The following GRIA3 variants were observed in gnomAD, a reference collection of about 807,000 sequenced individuals.
GRIA3 encodes glutamate ionotropic receptor AMPA type subunit 3.
Under a neutral mutation model 63.0 loss-of-function variants are expected in GRIA3, and 3 were observed. The ratio of observed to expected loss-of-function variants is 0.05; its 90% CI spans 0.02 to 0.12. The LOEUF (loss-of-function observed/expected upper bound fraction) is 0.12, where lower values mean the gene tolerates loss of function less well. Among genes scored for constraint, GRIA3 ranks in the 10% least tolerant of loss-of-function variants. GRIA3 has a pLI of 1.00. For missense variants in GRIA3, 347 were observed against 700.9 expected (o/e 0.50, Z 5.70); for synonymous variants, 274 against 257.9 (o/e 1.06, Z -0.60).
At chrX:123,373,989 G>A (rs767114793) in intron 5 of GRIA3, among the ~76,000 whole-genome samples, 3 of 111,908 alleles carry the variant, frequency 2.7e-5, no homozygotes, top group Admixed American at 1.9e-4. Flanking sequence ...ATGGTTTTAG[G>A]TCTACAATTT....
intron 3 of GRIA3, among the ~76,000 whole-genome samples, chrX:123,297,664 G>A (rs768788678): frequency 2.7e-5 from 3 of 111,577 alleles, no homozygotes; most frequent in East Asian, 2.8e-4. Flanking sequence ...AAAGTAAAAT[G>A]GTCTGAGTTT....
intron 5 of GRIA3, among the ~76,000 whole-genome samples, chrX:123,384,351 G>A (rs934739687): frequency 3.6e-5 from 4 of 112,549 alleles, no homozygotes; most frequent in Non-Finnish European, 7.5e-5. Flanking sequence ...TCGGCCAGGC[G>A]TGGTGGCTAA....
intron 2 of GRIA3, among the ~76,000 whole-genome samples, chrX:123,249,717 C>A (rs750187570): frequency 2.7e-5 from 3 of 111,915 alleles, no homozygotes; most frequent in Non-Finnish European, 3.8e-5. Context: ...GACAGTGGAT[C>A]TGCCTTTTGG....
chrX:123,201,690 C>A (rs1378437096), intron 2 of GRIA3, among the ~76,000 whole-genome samples: 6 of 96,476 alleles, frequency 6.2e-5, no homozygotes, highest in Non-Finnish European at 1.3e-4. Flanking sequence ...TGTTTGTTGA[C>A]CTTCATCAAA....
At chrX:123,389,251 T>A (rs1040988443) in intron 5 of GRIA3, among the ~76,000 whole-genome samples, 2 of 112,073 alleles carry the variant, frequency 1.8e-5, no homozygotes, top group African/African-American at 6.5e-5. Context: ...TCAAGTGAAG[T>A]TTAAATTCAG....
rs56808544 is a variant in GRIA3, at chrX:123,326,369, G to GA, written c.696+173dup. On this transcript the variant is annotated intron_variant, in intron 4 of 15. Transcript: ENST00000620443. ...CCTTTTTTCCTCCCCAGTGGCTGCA[G>GA]AAAAAAAAAAAAAAAAAGAAAGAAA... is the stretch of plus-strand genomic sequence containing the variant. 3.4e-3 allele frequency among the ~76,000 whole-genome samples: 241 copies of GA among 70,048 alleles called. 1 individual carries two copies. Among genetic ancestry groups the GA allele is most frequent in the Middle Eastern group, 9.1e-3 (1 of 110 alleles). The allele number at this position is 70,048 out of a possible 115,157, so 60.8% of individuals were successfully genotyped here.
chrX:123,280,889 C>T (rs140360249), intron 3 of GRIA3, among the ~76,000 whole-genome samples: 1,261 of 111,485 alleles, frequency 0.011, 21 homozygotes, highest in African/African-American at 0.039. Flanking sequence ...CTTTTCCATA[C>T]ATTTTCACAC....
chrX:123,415,347 C>T (rs896558124), intron 10 of GRIA3, among the ~76,000 whole-genome samples: 4 of 111,479 alleles, frequency 3.6e-5, no homozygotes, highest in East Asian at 2.8e-4. Context: ...TTTTAAGAAG[C>T]GACAGAGAAA....
rs763378924 is a variant in GRIA3, at chrX:123,296,094, T to C, written c.509-29932T>C. 6.0e-4 allele frequency among the ~76,000 whole-genome samples: 67 copies of C among 111,701 alleles called. 1 individual carries two copies. The South Asian group carries it at 0.023, about 39-fold the overall frequency. ...TTACTGATGCAACCTTGACTGTTTA[T>C]ACCACTTTTACTCATCAACCTATTA... On this transcript the variant is annotated intron_variant, in intron 3 of 15. Coordinates refer to ENST00000620443, the MANE Select transcript of GRIA3 (RefSeq NM_007325.5).
intron 12 of GRIA3, among the ~76,000 whole-genome samples, chrX:123,462,577 G>A (rs745688234): frequency 3.6e-5 from 4 of 111,637 alleles, no homozygotes; most frequent in South Asian, 3.8e-4. Context: ...GGCTCAGGCC[G>A]GTAATCCCAG....
chrX:123,469,424 T>C (rs972771401), intron 13 of GRIA3, among the ~76,000 whole-genome samples: 11 of 111,663 alleles, frequency 9.9e-5, no homozygotes, highest in African/African-American at 3.6e-4. Flanking sequence ...TTTTTATGGA[T>C]ACAGGGAATT....
intron 12 of GRIA3, among the ~76,000 whole-genome samples, chrX:123,441,092 A>T (rs990525089): frequency 8.9e-6 from 1 of 111,992 alleles, no homozygotes; most frequent in South Asian, 3.7e-4. Flanking sequence ...AACAGTTTCT[A>T]AAAAAGAGGG....
chrX:123,403,701 A>G (rs1021729944), intron 9 of GRIA3, among the ~76,000 whole-genome samples, 182 bp downstream of exon 9: 2 of 112,036 alleles, frequency 1.8e-5, no homozygotes, highest in African/African-American at 6.5e-5. Flanking sequence ...TAACAAAAAG[A>G]GAGAAAGAAA....
chrX:123,456,277 G>C (rs2045760873), intron 12 of GRIA3, among the ~76,000 whole-genome samples: 2 of 111,305 alleles, frequency 1.8e-5, no homozygotes, highest in African/African-American at 6.5e-5. Flanking sequence ...GTTTAAATGA[G>C]ATGGTGTGTG....
intron 2 of GRIA3, among the ~76,000 whole-genome samples, chrX:123,252,572 GA>G (rs2044397001): frequency 8.9e-6 from 1 of 111,750 alleles, no homozygotes; most frequent in African/African-American, 3.3e-5. Context: ...TGAAATGAAG[GA>G]AAGGTGACAA....
At chrX:123,254,969 A>C (rs2147283560) in intron 3 of GRIA3, among the ~76,000 whole-genome samples, 1 of 111,982 alleles carries the variant, frequency 8.9e-6, no homozygotes, top group South Asian at 3.8e-4. Context: ...TCAGTTAATT[A>C]GTCAATCCAT....
chrX:123,458,907 T>C (rs1357996936), intron 12 of GRIA3, among the ~76,000 whole-genome samples: 2 of 108,777 alleles, frequency 1.8e-5, no homozygotes, highest in Non-Finnish European at 3.9e-5. Flanking sequence ...ATACAAATAA[T>C]ACTTAAGCAT....
chrX:123,466,048 C>T (rs1051315118), intron 13 of GRIA3, among the ~76,000 whole-genome samples: 1 of 111,823 alleles, frequency 8.9e-6, no homozygotes, highest in Non-Finnish European at 1.9e-5. Context: ...GTTTGGTTGC[C>T]TTATGAAAGC....
At chrX:123,292,351 C>A (rs2044661106) in intron 3 of GRIA3, among the ~76,000 whole-genome samples, 1 of 111,523 alleles carries the variant, frequency 9.0e-6, no homozygotes, top group African/African-American at 3.3e-5. Flanking sequence ...GCTATGGACA[C>A]CAATACAATG....
Sources: gnomAD v4.1 joint callset for allele counts (sites outside exome capture counted in the v4.1 genomes callset) on GRCh38, gnomAD v4.1.1 for gene constraint, MANE v1.5 for transcripts, NCBI Gene and HGNC (gene_info 2026-07-23, HGNC 2026-07-21) for gene names.